PARP12: variants seen among roughly 807,000 people sequenced by gnomAD.
PARP12 encodes poly(ADP-ribose) polymerase family member 12, also known as protein mono-ADP-ribosyltransferase PARP12.
In PARP12, 59 loss-of-function variants were observed where a neutral mutation model predicts 72.4. The observed-to-expected ratio is 0.81, with a 90% CI of 0.66 to 1.01. PARP12 has a LOEUF of 1.01. Among genes scored for constraint, PARP12 ranks in the 50% least tolerant of loss-of-function variants. The pLI, the probability that PARP12 is intolerant of heterozygous loss-of-function variation, is 0.00. For missense variants in PARP12, 851 were observed against 914.0 expected, an observed-to-expected ratio of 0.93 and a Z score of 0.89; for synonymous variants, 403 against 371.4, an observed-to-expected ratio of 1.09 and a Z score of -0.98.
rs752643202 is a variant in PARP12 at position 140,026,316 on chromosome 7, C to T, written c.1661G>A (p.Gly554Glu). 9 of 1,612,628 alleles carry T rather than the reference C, an allele frequency of 5.6e-6. No individual in the cohort carries two copies. The Admixed American group carries it at 8.3e-5, about 15-fold the overall frequency. ...QKGQMQKQNGGKAVDERQLFH... is the reference protein window; with the variant it reads ...QKGQMQKQNGEKAVDERQLFH... ...CAGCTGCCGCTCGTCCACGGCCTTC[C>T]CTCCGTTCTGCTTCTGCATCTGTCC... The change falls in exon 11 of 12, where the codon GGG becomes GAG. Residue 554 changes from glycine (G) to glutamate (E), a missense_variant. Transcript: ENST00000263549.
intron 8 of PARP12, chr7:140,033,287 A>G: frequency 1.0e-6 from 1 of 985,474 alleles, no homozygotes. Flanking sequence ...TCGTGGACTG[A>G]TAATACCTTT....
chr7:140,056,280 AC>A (rs1172064548), intron 3 of PARP12, among the ~76,000 whole-genome samples: 1 of 152,254 alleles, frequency 6.6e-6, no homozygotes, highest in Non-Finnish European at 1.5e-5. Flanking sequence ...CATTCATTCA[AC>A]AAATGTCAGA....
At position 140,041,654 on chromosome 7, in the gene PARP12, T is replaced by C. The variant is rs1460565211; in HGVS notation, c.1172A>G (p.Tyr391Cys). The change falls in exon 6 of 12, where the codon TAT becomes TGT. Residue 391 changes from tyrosine (Y) to cysteine (C), a missense_variant. Physicochemically the swap from Tyr to Cys is radical, Grantham distance 194. Around this residue, in one of 3 missense-constraint regions of PARP12, gnomAD observed 12 missense variants for 28.6 expected, o/e 0.42. Coordinates refer to ENST00000263549, the MANE Select transcript of PARP12 (RefSeq NM_022750.4). ...TTCCATCACACTTACCTGTCTTCCA[T>C]ATTCCTGCCAAGAACCAAACTCATC... ...WSDEFGSWQE[Y>C]GRQGTVHPVT... 1 of 1,613,810 alleles carries C rather than the reference T, an allele frequency of 6.2e-7. No individual in the cohort carries two copies. The highest frequency in any genetic ancestry group is 1.1e-5 in the South Asian group (1 of 91,024).
intron 4 of PARP12, among the ~76,000 whole-genome samples, chr7:140,053,774 G>C (rs1817066595): frequency 6.6e-6 from 1 of 151,956 alleles, no homozygotes; most frequent in African/African-American, 2.4e-5. Context: ...AAATGAGGTG[G>C]ACTTTCACAT....
At chr7:140,045,905 A>G (rs922967543) in intron 5 of PARP12, among the ~76,000 whole-genome samples, 1 of 152,232 alleles carries the variant, frequency 6.6e-6, no homozygotes, top group African/African-American at 2.4e-5. Flanking sequence ...ACAACAGTAC[A>G]TACCACACGG....
intron 2 of PARP12, chr7:140,057,695 T>A: frequency 4.7e-6 from 3 of 632,300 alleles, no homozygotes; most frequent in Non-Finnish European, 8.0e-6. Flanking sequence ...ATGGCATCTG[T>A]GTGATGTTTG....
In PARP12 at chr7:140,024,851, G is replaced by A; in HGVS notation, c.1815C>T (p.His605=). The stretch of plus-strand genomic sequence containing the variant: ...TCTGCGTGTCGGATTTGCTGTAGTG[G>A]TGGGAATATGCAGCATCTCGGGCAA... ...SYFARDAAYS[H]HYSKSDTQTH... Residue 605 remains histidine (H), a synonymous_variant, in exon 12 of 12, where the codon CAC becomes CAT. Coordinates refer to ENST00000263549, the MANE Select transcript of PARP12 (RefSeq NM_022750.4). The A allele has an allele frequency of 6.2e-7, 1 of 1,614,008 alleles. No individual in the cohort carries two copies. The highest frequency in any genetic ancestry group is 1.1e-5 in the South Asian group (1 of 91,074).
chr7:140,033,420 C>G, intron 8 of PARP12: 1 of 985,430 alleles, frequency 1.0e-6, no homozygotes, highest in Non-Finnish European at 1.2e-6. Flanking sequence ...CTCAGGCGAA[C>G]AGAAGGTGCA....
chr7:140,033,320 C>A, intron 8 of PARP12: 10 of 985,442 alleles, frequency 1.0e-5, no homozygotes, highest in Non-Finnish European at 1.2e-5. Flanking sequence ...GTACCAAACT[C>A]ATTTAAAAAC....
intron 4 of PARP12, among the ~76,000 whole-genome samples, chr7:140,050,536 C>G (rs1286842668): frequency 6.6e-6 from 1 of 152,168 alleles, no homozygotes; most frequent in Non-Finnish European, 1.5e-5. Flanking sequence ...GGAAATCAAC[C>G]AACAGGTATA....
chr7:140,033,586 T>C, intron 8 of PARP12: 1 of 985,270 alleles, frequency 1.0e-6, no homozygotes, highest in Non-Finnish European at 1.2e-6. Context: ...TCAGTTCCAA[T>C]CCCATCCCAC....
At chr7:140,041,481 T>C (rs1385958958) in intron 6 of PARP12, 163 bp downstream of exon 6, 21 of 607,752 alleles carry the variant, frequency 3.5e-5, no homozygotes, top group African/African-American at 5.5e-5. Context: ...TTCCAACTTA[T>C]CTAGTTTTGC....
At chr7:140,049,645 C>T (rs1485869779) in intron 4 of PARP12, among the ~76,000 whole-genome samples, 3 of 152,192 alleles carry the variant, frequency 2.0e-5, no homozygotes, top group Non-Finnish European at 4.4e-5. Context: ...CTGATGCTTC[C>T]TCAGGAAGGA....
intron 1 of PARP12, 79 bp downstream of exon 1, chr7:140,062,443 T>G (rs1456080509): frequency 2.7e-5 from 37 of 1,375,876 alleles, no homozygotes; most frequent in Non-Finnish European, 1.9e-6. Flanking sequence ...AAACTTCAAG[T>G]AGGACCCCCA....
chr7:140,027,930 T>C (rs1223197176), intron 9 of PARP12, among the ~76,000 whole-genome samples: 1 of 152,160 alleles, frequency 6.6e-6, no homozygotes, highest in Non-Finnish European at 1.5e-5. Flanking sequence ...ACAAACATGT[T>C]GAACCCCTTT....
chr7:140,044,929 T>C (rs2096705282), intron 5 of PARP12, among the ~76,000 whole-genome samples: 1 of 152,114 alleles, frequency 6.6e-6, no homozygotes, highest in Admixed American at 6.6e-5. Context: ...AAATGGTAAT[T>C]GTGTAAGCTT....
At chr7:140,043,130 C>T (rs932472236) in intron 5 of PARP12, among the ~76,000 whole-genome samples, 4 of 152,114 alleles carry the variant, frequency 2.6e-5, no homozygotes, top group Non-Finnish European at 4.4e-5. Context: ...GGAGGCGGAG[C>T]TTGCAGTGAG....
At chr7:140,038,237 A>C (rs867910452) in intron 6 of PARP12, 1 of 985,282 alleles carries the variant, frequency 1.0e-6, no homozygotes, top group Non-Finnish European at 1.2e-6. Flanking sequence ...GGCTGGTCTT[A>C]CCCGTCTATT....
chr7:140,044,571 C>T (rs1283684078), intron 5 of PARP12, among the ~76,000 whole-genome samples: 1 of 152,160 alleles, frequency 6.6e-6, no homozygotes, highest in Non-Finnish European at 1.5e-5. Flanking sequence ...CTTCTAGCCT[C>T]CAGAACCGAG....
Sources: gnomAD v4.1 joint callset for allele counts (sites outside exome capture counted in the v4.1 genomes callset) on GRCh38, gnomAD v4.1.1 for gene constraint, gnomAD v4.1.1 regional missense constraint, MANE v1.5 for transcripts, NCBI Gene and HGNC (gene_info 2026-07-23, HGNC 2026-07-21) for gene names.